Variants in FARP1 observed in about 807,000 individuals in gnomAD.
FARP1 encodes the protein FERM, ARH/RhoGEF and pleckstrin domain protein 1, also known as FERM, ARHGEF and pleckstrin domain-containing protein 1.
Under a neutral mutation model 128.8 loss-of-function variants are expected in FARP1, and 52 were observed. The ratio of observed to expected loss-of-function variants is 0.40; its 90% CI spans 0.32 to 0.51. The LOEUF (loss-of-function observed/expected upper bound fraction) is 0.51. Among genes scored for constraint, FARP1 ranks in the 20% least tolerant of loss-of-function variants. The probability of loss-of-function intolerance (pLI) is 0.45; values close to 1 mark genes in which losing one functional copy is unlikely to be tolerated. For missense variants in FARP1, 1,333 were observed against 1,367.9 expected, an observed-to-expected ratio of 0.97 and a Z score of 0.40; for synonymous variants, 580 against 551.8, an observed-to-expected ratio of 1.05 and a Z score of -0.72.
chr13:98,184,833 C>A (rs1337142060), intron 1 of FARP1, among the ~76,000 whole-genome samples: 1 of 152,188 alleles, frequency 6.6e-6, no homozygotes, highest in East Asian at 1.9e-4. Context: ...TTGGCAAATA[C>A]TTCAAGTGTA....
intron 2 of FARP1, among the ~76,000 whole-genome samples, chr13:98,220,498 T>G (rs945395798): frequency 5.3e-5 from 8 of 152,186 alleles, no homozygotes; most frequent in Non-Finnish European, 1.0e-4. Flanking sequence ...TTCTTTTGGC[T>G]CCTTTTATTT....
In FARP1 at chr13:98,326,549, G is replaced by A. The variant is rs1887243246; in HGVS notation, c.172-17213G>A. On this transcript the variant is annotated intron_variant, in intron 2 of 26. Coordinates refer to ENST00000319562, the MANE Select transcript of FARP1 (RefSeq NM_005766.4). ...CCTGATTTCTTTTCCACACGTGCTG[G>A]TTCCTGCATCTCCTCTCCTGATTCA... Among the ~76,000 whole-genome samples the A allele has an allele frequency of 2.0e-5, 3 of 152,182 alleles. No individual in the cohort carries two copies. The South Asian group carries it at 6.2e-4, about 32-fold the overall frequency.
chr13:98,248,287 G>A (rs1883165800), intron 2 of FARP1, among the ~76,000 whole-genome samples: 1 of 152,164 alleles, frequency 6.6e-6, no homozygotes, highest in Non-Finnish European at 1.5e-5. Context: ...GTATTTGGGT[G>A]GAATGAGATT....
intron 1 of FARP1, among the ~76,000 whole-genome samples, chr13:98,145,366 A>C (rs1875450052): frequency 1.3e-5 from 2 of 152,144 alleles, no homozygotes; most frequent in South Asian, 4.2e-4. Context: ...TTTCACATTG[A>C]TATTCTCTTC....
chr13:98,224,310 G>A (rs199748241), intron 2 of FARP1, among the ~76,000 whole-genome samples: 4 of 151,974 alleles, frequency 2.6e-5, no homozygotes, highest in African/African-American at 9.6e-5. Context: ...GGTGGATCAC[G>A]AGGTCAGGAG....
intron 2 of FARP1, among the ~76,000 whole-genome samples, chr13:98,300,124 C>A (rs1885861754): frequency 6.6e-6 from 1 of 152,238 alleles, no homozygotes; most frequent in Non-Finnish European, 1.5e-5. Flanking sequence ...TTTGGCCACA[C>A]CCTTTCCCCT....
At position 98,372,089 on chromosome 13, in the gene FARP1, T is replaced by TTC. The variant is rs1555341314; in HGVS notation, c.398+3895_398+3896insCT. Among the ~76,000 whole-genome samples the TTC allele has an allele frequency of 9.1e-5, 13 of 143,122 alleles. No individual in the cohort carries two copies. In the East Asian group the frequency reaches 2.4e-3, roughly 26 times the overall value. 93.9% of individuals were successfully genotyped at this position (143,122 alleles called of 152,430 possible). Reference sequence around the variant, plus strand: ...AGATGATCCCAGTTTTTCTTTTTTTTTTTTTTTTTTTTTTGGCGATGGAGT... The same window carrying TTC: ...AGATGATCCCAGTTTTTCTTTTTTTTTCTTTTTTTTTTTTTTGGCGATGGAGT... On this transcript the variant is annotated intron_variant, in intron 5 of 26. Coordinates refer to ENST00000319562, the MANE Select transcript of FARP1 (RefSeq NM_005766.4).
intron 2 of FARP1, among the ~76,000 whole-genome samples, chr13:98,245,918 G>A (rs1883025111): frequency 6.6e-6 from 1 of 150,708 alleles, no homozygotes; most frequent in Non-Finnish European, 1.5e-5. Context: ...ACAGATGCAC[G>A]CCGCCACGCC....
intron 1 of FARP1, among the ~76,000 whole-genome samples, chr13:98,206,310 C>G (rs1880263653): frequency 6.6e-6 from 1 of 152,016 alleles, no homozygotes; most frequent in Non-Finnish European, 1.5e-5. Context: ...TTCATCTTGC[C>G]TCAGCGACAG....
intron 17 of FARP1, among the ~76,000 whole-genome samples, chr13:98,428,851 G>T (rs961525749): frequency 3.9e-5 from 6 of 152,226 alleles, no homozygotes; most frequent in Non-Finnish European, 8.8e-5. Flanking sequence ...ACATGATGAT[G>T]CCCTCTCAAA....
chr13:98,376,349 C>T (rs1203803802), intron 5 of FARP1, among the ~76,000 whole-genome samples: 3 of 152,002 alleles, frequency 2.0e-5, no homozygotes, highest in African/African-American at 7.3e-5. Context: ...TTTTTAGCTC[C>T]CAAAAATAAG....
At chr13:98,344,229 A>G (rs1311152110) in intron 3 of FARP1, among the ~76,000 whole-genome samples, 2 of 152,208 alleles carry the variant, frequency 1.3e-5, no homozygotes, top group Non-Finnish European at 2.9e-5. Flanking sequence ...GAGTCAAGAA[A>G]GCCATCAGGA....
At chr13:98,377,797 G>A (rs1196246293) in intron 5 of FARP1, 24 bp from the exon 6 acceptor site, 5 of 1,596,710 alleles carry the variant, frequency 3.1e-6, no homozygotes, top group South Asian at 2.2e-5. Context: ...TTTGCCTGAC[G>A]CCCAGCTCTG....
chr13:98,198,879 A>G (rs968910634), intron 1 of FARP1, among the ~76,000 whole-genome samples: 2 of 53,090 alleles, frequency 3.8e-5, no homozygotes, highest in African/African-American at 1.4e-4. Flanking sequence ...CTCCATCTCA[A>G]TCTCAACCCT....
intron 4 of FARP1, among the ~76,000 whole-genome samples, chr13:98,366,617 C>T (rs1467800543): frequency 6.6e-6 from 1 of 152,228 alleles, no homozygotes; most frequent in Non-Finnish European, 1.5e-5. Flanking sequence ...TAGTTGTCTC[C>T]TCCATATGCT....
At chr13:98,442,944 A>C (rs1342100800) in intron 24 of FARP1, among the ~76,000 whole-genome samples, 1 of 152,204 alleles carries the variant, frequency 6.6e-6, no homozygotes, top group African/African-American at 2.4e-5. Context: ...CAGGCCATTC[A>C]ACGAGGCAGC....
intron 16 of FARP1, among the ~76,000 whole-genome samples, chr13:98,416,186 G>T (rs7988979): frequency 0.038 from 5,745 of 152,216 alleles, 392 homozygotes; most frequent in African/African-American, 0.13. Flanking sequence ...AGAAAACAAC[G>T]TTGGTATGTT....
intron 3 of FARP1, among the ~76,000 whole-genome samples, chr13:98,356,319 G>T (rs1888639944): frequency 6.6e-6 from 1 of 152,096 alleles, no homozygotes; most frequent in Non-Finnish European, 1.5e-5. Flanking sequence ...GTGTAAGTAC[G>T]GTTGTCTCTA....
intron 5 of FARP1, among the ~76,000 whole-genome samples, chr13:98,376,023 T>C (rs1889566146): frequency 6.6e-6 from 1 of 152,192 alleles, no homozygotes; most frequent in African/African-American, 2.4e-5. Context: ...TCTATGAGTT[T>C]GTATCATTAT....
Sources: allele counts gnomAD v4.1 joint callset (sites outside exome capture counted in the v4.1 genomes callset), GRCh38; gene constraint gnomAD v4.1.1; transcripts MANE v1.5; gene names NCBI Gene and HGNC (gene_info 2026-07-23, HGNC 2026-07-21).